The following KCNQ1 variants were observed in gnomAD, a reference collection of about 807,000 sequenced individuals.
KCNQ1 encodes potassium voltage-gated channel subfamily Q member 1, also known as potassium voltage-gated channel subfamily KQT member 1.
KCNQ1 carries 49 observed loss-of-function variants against 72.4 expected under a neutral mutation model. The observed-to-expected ratio is 0.68, with a 90% CI of 0.54 to 0.86. The LOEUF (loss-of-function observed/expected upper bound fraction) is 0.86, where lower values mean the gene tolerates loss of function less well. Among genes scored for constraint, KCNQ1 ranks in the 40% least tolerant of loss-of-function variants. The pLI is 0.00. For missense variants in KCNQ1, 790 were observed against 945.1 expected, an observed-to-expected ratio of 0.84 and a Z score of 2.15; for synonymous variants, 450 against 412.6, an observed-to-expected ratio of 1.09 and a Z score of -1.10.
intron 1 of KCNQ1, among the ~76,000 whole-genome samples, chr11:2,459,709 C>T (rs949459596): frequency 3.9e-5 from 6 of 152,064 alleles, no homozygotes; most frequent in Admixed American, 2.6e-4. Context: ...AGGCCCCCTC[C>T]GCCCTCCTGC....
At chr11:2,707,850 GCCCC>G (rs1850936965) in intron 11 of KCNQ1, among the ~76,000 whole-genome samples, 1 of 152,234 alleles carries the variant, frequency 6.6e-6, no homozygotes, top group Non-Finnish European at 1.5e-5. Flanking sequence ...GAGGGACACA[GCCCC>G]TGTTTGCAGA....
In KCNQ1 at chr11:2,602,731, A is replaced by G. The variant is rs1848824987; in HGVS notation, c.1393+13877A>G. Among the ~76,000 whole-genome samples the G allele has an allele frequency of 2.6e-5, 4 of 152,324 alleles. No individual in the cohort carries two copies. The South Asian group carries it at 8.3e-4, about 32-fold the overall frequency. ...TGCCATTTTTGTATTCTATGCAGTGAAATTCTTGTTGATATCATTTTTCCA... is the reference window on the plus strand; with the variant it reads ...TGCCATTTTTGTATTCTATGCAGTGGAATTCTTGTTGATATCATTTTTCCA... On this transcript the variant is annotated intron_variant, in intron 10 of 15. Coordinates refer to ENST00000155840, the MANE Select transcript of KCNQ1 (RefSeq NM_000218.3). The surrounding 1 kb of genome is among the most constrained non-coding windows in gnomAD (Gnocchi z 4.8).
At chr11:2,524,636 G>A (rs1847462620) in intron 1 of KCNQ1, among the ~76,000 whole-genome samples, 1 of 152,168 alleles carries the variant, frequency 6.6e-6, no homozygotes, top group Non-Finnish European at 1.5e-5. Flanking sequence ...GTGGGTGGTG[G>A]GTTTTGCCAC....
At chr11:2,614,221 G>T (rs1183926659) in intron 10 of KCNQ1, 1 of 398,406 alleles carries the variant, frequency 2.5e-6, no homozygotes, top group Admixed American at 4.4e-5. Flanking sequence ...TCATTTGCAA[G>T]AGCCTCCACT....
intron 15 of KCNQ1, among the ~76,000 whole-genome samples, chr11:2,842,055 G>T (rs529845780): frequency 6.6e-6 from 1 of 152,300 alleles, no homozygotes; most frequent in African/African-American, 2.4e-5. Flanking sequence ...GTCCCCAGCC[G>T]CGGCAGAGCT....
In KCNQ1 at chr11:2,775,946, T is replaced by C; in HGVS notation, c.1591-14T>C. On this transcript the variant is annotated splice_polypyrimidine_tract_variant and intron_variant, in intron 12 of 15. Coordinates refer to ENST00000155840, the MANE Select transcript of KCNQ1 (RefSeq NM_000218.3). ...ACAGGGAGGAGAAGTGATGCGTGTC[T>C]TTTTGTCCCGCAGCAAGCGCGGAAG... is the stretch of plus-strand genomic sequence containing the variant. 1 of 1,552,226 alleles carries C rather than the reference T, an allele frequency of 6.4e-7. No individual in the cohort carries two copies. The highest frequency in any genetic ancestry group is 8.7e-7 in the Non-Finnish European group (1 of 1,147,178).
chr11:2,625,608 A>AC, intron 10 of KCNQ1: 1 of 381,830 alleles, frequency 2.6e-6, no homozygotes, highest in South Asian at 1.3e-4. Context: ...ATGGAGTCTC[A>AC]CTCTGTTGCC....
At chr11:2,529,795 C>T (rs1847583777) in intron 2 of KCNQ1, among the ~76,000 whole-genome samples, 1 of 152,176 alleles carries the variant, frequency 6.6e-6, no homozygotes, top group Admixed American at 6.5e-5. Context: ...GGGGTGGTAC[C>T]TGCGGCCAGC....
Position 2,724,083 on chromosome 11 carries a change from G to A in KCNQ1, c.1515-44761G>A, listed in dbSNP as rs907641953. ...CACACAGCCCCTCCGGTGGTGCCTG[G>A]GGGCCCAGGCTTTTGATAGAGAATC... On this transcript the variant is annotated intron_variant, in intron 11 of 15. Transcript: ENST00000155840. The surrounding 1 kb of genome is among the most constrained non-coding windows in gnomAD (Gnocchi z 6.8). Among the ~76,000 whole-genome samples the A allele has an allele frequency of 2.0e-5, 3 of 152,052 alleles. No homozygotes were observed. Among genetic ancestry groups the A allele is most frequent in the African/African-American group, 7.2e-5 (3 of 41,388 alleles).
At position 2,756,951 on chromosome 11, in the gene KCNQ1, T is replaced by TAAAAAAA. The variant is rs58284663; in HGVS notation, c.1515-11869_1515-11863dup. On this transcript the variant is annotated intron_variant, in intron 11 of 15. Transcript: ENST00000155840. ...TTTCCCAACTTGATCAAGAGCATCT[T>TAAAAAAA]AAAAAAAAAAAAAAAAAAAAAAAAA... Among the ~76,000 whole-genome samples the TAAAAAAA allele has an allele frequency of 1.6e-3, 83 of 51,002 alleles. 9 individuals are homozygous for TAAAAAAA. In the East Asian group the frequency reaches 0.029, roughly 18 times the overall value. The allele number at this position is 51,002 out of a possible 152,430, so 33.5% of individuals were successfully genotyped here.
chr11:2,844,737 A>T (rs933264483), intron 15 of KCNQ1, among the ~76,000 whole-genome samples: 4 of 152,164 alleles, frequency 2.6e-5, no homozygotes, highest in Non-Finnish European at 5.9e-5. Flanking sequence ...AGGCCTCCAC[A>T]CCCATTAGCA....
rs1205859326 is a variant in KCNQ1, at chr11:2,664,927, G to C, written c.1514+2846G>C. 2.5e-6 allele frequency: 1 copy of C among 398,462 alleles called. No individual in the cohort carries two copies. The highest frequency in any genetic ancestry group is 4.4e-6 in the Non-Finnish European group (1 of 226,078). 24.7% of individuals were successfully genotyped at this position (398,462 alleles called of 1,614,324 possible). On this transcript the variant is annotated intron_variant, in intron 11 of 15. Coordinates refer to ENST00000155840, the MANE Select transcript of KCNQ1 (RefSeq NM_000218.3). The surrounding 1 kb of genome is among the most constrained non-coding windows in gnomAD (Gnocchi z 5.1). ...CATCTCGAGCTCTCCCCGCCCGCAGGGCCCCAGAGAGGTGAGGTCACTATA... is the reference window on the plus strand; with the variant it reads ...CATCTCGAGCTCTCCCCGCCCGCAGCGCCCCAGAGAGGTGAGGTCACTATA...
chr11:2,502,022 C>T (rs1421376414), intron 1 of KCNQ1, among the ~76,000 whole-genome samples: 1 of 151,692 alleles, frequency 6.6e-6, no homozygotes, highest in Admixed American at 6.6e-5. Flanking sequence ...CTGTCAAAAA[C>T]CTAGGTATAG....
intron 11 of KCNQ1, among the ~76,000 whole-genome samples, chr11:2,705,257 T>A (rs1850886891): frequency 6.6e-6 from 1 of 151,954 alleles, no homozygotes; most frequent in Non-Finnish European, 1.5e-5. Flanking sequence ...GCCAGACGGG[T>A]GGGGGGTCTG....
At position 2,787,243 on chromosome 11, in the gene KCNQ1, ATCT is replaced by A. The variant is rs1330634262; in HGVS notation, c.1794+9210_1794+9212del. On this transcript the variant is annotated intron_variant, in intron 15 of 15. Transcript: ENST00000155840. This position sits in a 1 kb window ranked among gnomAD's most constrained non-coding sequence, Gnocchi z 6.3. ...TAGCAGTAATGCAGTTTTCTTTACA[ATCT>A]TCTCAGGGAGTAGGAGATTTTTCAT... is the stretch of plus-strand genomic sequence containing the variant. Among the ~76,000 whole-genome samples the A allele has an allele frequency of 6.6e-6, 1 of 152,124 alleles. No individual in the cohort carries two copies.
intron 2 of KCNQ1, among the ~76,000 whole-genome samples, chr11:2,533,337 G>A (rs565624049): frequency 3.3e-5 from 5 of 152,308 alleles, no homozygotes; most frequent in Admixed American, 2.0e-4. Context: ...GGGTCCGGCC[G>A]GCACCGTGAA....
In KCNQ1 at chr11:2,678,872, G is replaced by T; in HGVS notation, c.1514+16791G>T. The T allele has an allele frequency of 2.5e-6, 1 of 398,580 alleles. No individual in the cohort carries two copies. Among genetic ancestry groups the T allele is most frequent in the South Asian group, 1.3e-4 (1 of 7,852 alleles). 24.7% of individuals were successfully genotyped at this position (398,580 alleles called of 1,614,324 possible). On this transcript the variant is annotated intron_variant, in intron 11 of 15. Transcript: ENST00000155840. This position sits in a 1 kb window ranked among gnomAD's most constrained non-coding sequence, Gnocchi z 4.9. ...GGTCGGGGGTGCACAGGAGTTGCCA[G>T]CTGGACCCAAGGACCATTTCGTATA...
chr11:2,522,238 G>A (rs971643138), intron 1 of KCNQ1, among the ~76,000 whole-genome samples: 4 of 150,886 alleles, frequency 2.7e-5, no homozygotes, highest in Admixed American at 6.6e-5. Flanking sequence ...TTGGGAGCTC[G>A]GGTGGGACAG....
chr11:2,464,735 G>A lies in KCNQ1; in HGVS notation c.386+19251G>A, dbSNP rs1282335377. Among the ~76,000 whole-genome samples the A allele has an allele frequency of 6.6e-6, 1 of 152,198 alleles. No individual in the cohort carries two copies. The highest frequency in any genetic ancestry group is 1.9e-4 in the East Asian group (1 of 5,198). On this transcript the variant is annotated intron_variant, in intron 1 of 15. Coordinates refer to ENST00000155840, the MANE Select transcript of KCNQ1 (RefSeq NM_000218.3). The surrounding 1 kb of genome is among the most constrained non-coding windows in gnomAD (Gnocchi z 5.0). Reference sequence around the variant, plus strand: ...CTCTGGGATGCTGGTGGGAAGAACAGTCTGGGCGAGGAGGAAAGGGTGGCT... The same window carrying A: ...CTCTGGGATGCTGGTGGGAAGAACAATCTGGGCGAGGAGGAAAGGGTGGCT...
Sources: allele counts gnomAD v4.1 joint callset (sites outside exome capture counted in the v4.1 genomes callset), GRCh38; gene constraint gnomAD v4.1.1; non-coding constraint Gnocchi (gnomAD v3.1); transcripts MANE v1.5; gene names NCBI Gene and HGNC (gene_info 2026-07-23, HGNC 2026-07-21).